The following ZNF407 variants were observed in gnomAD, a reference collection of about 807,000 sequenced individuals.
ZNF407 encodes the protein zinc finger protein 407.
A neutral mutation model predicts 131.2 loss-of-function variants in ZNF407; 17 were observed. That is an observed-to-expected ratio of 0.13 (90% CI 0.09 to 0.19). The LOEUF (loss-of-function observed/expected upper bound fraction) is 0.19, where lower values mean the gene tolerates loss of function less well. Among genes scored for constraint, ZNF407 ranks in the 10% least tolerant of loss-of-function variants. ZNF407 has a pLI of 1.00. For synonymous variants in ZNF407, 1,156 were observed against 1,062.0 expected, an observed-to-expected ratio of 1.09 and a Z score of -1.72; for missense variants, 2,681 against 2,830.6, an observed-to-expected ratio of 0.95 and a Z score of 1.20.
At chr18:74,674,687 C>T (rs1986285101) in intron 3 of ZNF407, among the ~76,000 whole-genome samples, 1 of 152,176 alleles carries the variant, frequency 6.6e-6, no homozygotes, top group Non-Finnish European at 1.5e-5. Flanking sequence ...TGTCTGCTTA[C>T]ACCAGGGATT....
chr18:74,628,839 A>G (rs1171332133), intron 1 of ZNF407, among the ~76,000 whole-genome samples: 1 of 152,104 alleles, frequency 6.6e-6, no homozygotes, highest in African/African-American at 2.4e-5. Flanking sequence ...CTTGTCCTTC[A>G]AAAGCATTGG....
intron 7 of ZNF407, among the ~76,000 whole-genome samples, chr18:74,902,343 G>A (rs866551018): frequency 1.3e-5 from 2 of 152,152 alleles, no homozygotes; most frequent in Non-Finnish European, 2.9e-5. Context: ...CTCGTGGTGC[G>A]AAACTACACA....
At chr18:74,849,324 C>T (rs923770389) in intron 4 of ZNF407, among the ~76,000 whole-genome samples, 1 of 152,106 alleles carries the variant, frequency 6.6e-6, no homozygotes. Flanking sequence ...GTGATCCGCC[C>T]GCCTGTGCCT....
Position 74,634,736 on chromosome 18 carries a change from C to T in ZNF407, c.3717C>T (p.Asp1239=), listed in dbSNP as rs201823505. The T allele has an allele frequency of 3.7e-4, 601 of 1,613,914 alleles. 2 individuals carry two copies. Among genetic ancestry groups the T allele is most frequent in the African/African-American group, 4.8e-4 (36 of 74,936 alleles). The change falls in exon 2 of 9, where the codon GAC becomes GAT. Residue 1239 remains aspartate (D), a synonymous_variant. Transcript: ENST00000299687. ...HCEGEGGNAG[D]GGGVVPHRHL... Reference sequence around the variant, plus strand: ...AGGGTGAAGGAGGAAACGCAGGAGACGGTGGAGGTGTTGTCCCCCACAGAC... The same window carrying T: ...AGGGTGAAGGAGGAAACGCAGGAGATGGTGGAGGTGTTGTCCCCCACAGAC...
At chr18:74,686,532 C>T (rs1185693702) in intron 3 of ZNF407, among the ~76,000 whole-genome samples, 1 of 152,180 alleles carries the variant, frequency 6.6e-6, no homozygotes, top group Non-Finnish European at 1.5e-5. Flanking sequence ...TCCAGTCTCT[C>T]TTCTCCATTG....
chr18:74,942,220 A>C (rs1007552675), intron 8 of ZNF407, among the ~76,000 whole-genome samples: 4 of 152,226 alleles, frequency 2.6e-5, no homozygotes, highest in African/African-American at 9.6e-5. Context: ...CAGCAGGGAA[A>C]GTGGCTTTTG....
rs573598412 is a variant in ZNF407, at chr18:74,846,307, C to A, written c.4878-30890C>A. On this transcript the variant is annotated intron_variant, in intron 4 of 8. Transcript: ENST00000299687. ...GTTGGAAAAGCATTGTATTAATAAA[C>A]CTTTTCTAACAATGTCTGAACTGGG... 3.9e-5 allele frequency among the ~76,000 whole-genome samples: 6 copies of A among 151,980 alleles called. No individual in the cohort carries two copies. The South Asian group carries it at 8.3e-4, about 21-fold the overall frequency.
chr18:74,732,658 T>A (rs1968320306), intron 3 of ZNF407, among the ~76,000 whole-genome samples: 1 of 152,198 alleles, frequency 6.6e-6, no homozygotes, highest in Non-Finnish European at 1.5e-5. Context: ...TTTGTAATTC[T>A]CATAGAATTT....
In ZNF407 at chr18:74,633,108, G is replaced by T. The variant is rs759606651; in HGVS notation, c.2089G>T (p.Val697Leu). The change falls in exon 2 of 9, where the codon GTG (valine) becomes TTG (leucine). Residue 697 changes from valine to leucine, a missense_variant. Physicochemically the swap from Val to Leu is conservative, Grantham distance 32 (BLOSUM62 1). This residue lies in a region of ZNF407 where 1,789 missense variants were observed against 1,748.7 expected (regional missense o/e 1.02). Coordinates refer to ENST00000299687, the MANE Select transcript of ZNF407 (RefSeq NM_017757.3). ...LKSRVSHGNE[V>L]RHSSKPQFQC... Reference sequence around the variant, plus strand: ...GTCCAGGGTAAGCCATGGTAATGAAGTGAGGCATTCCAGTAAGCCTCAGTT... The same window carrying T: ...GTCCAGGGTAAGCCATGGTAATGAATTGAGGCATTCCAGTAAGCCTCAGTT... 1.2e-6 allele frequency: 2 copies of T among 1,613,606 alleles called. No homozygotes were observed. The highest frequency in any genetic ancestry group is 1.7e-6 in the Non-Finnish European group (2 of 1,179,790).
intron 4 of ZNF407, among the ~76,000 whole-genome samples, chr18:74,806,187 T>G (rs1970106552): frequency 6.6e-6 from 1 of 152,244 alleles, no homozygotes. Flanking sequence ...GGGCCTGCTG[T>G]GACTGCAGGC....
chr18:74,754,318 T>C (rs1968878281), intron 3 of ZNF407, among the ~76,000 whole-genome samples: 2 of 152,232 alleles, frequency 1.3e-5, no homozygotes, highest in South Asian at 4.1e-4. Flanking sequence ...TCATTGAATT[T>C]TTGAAGGGTT....
chr18:74,982,400 C>A (rs1311971178), intron 8 of ZNF407, among the ~76,000 whole-genome samples: 1 of 152,152 alleles, frequency 6.6e-6, no homozygotes, highest in Admixed American at 6.5e-5. Flanking sequence ...TTACCTCCTT[C>A]AAAATAAGAA....
intron 8 of ZNF407, among the ~76,000 whole-genome samples, chr18:75,000,867 G>A (rs906683908): frequency 7.2e-5 from 11 of 152,134 alleles, no homozygotes; most frequent in African/African-American, 2.7e-4. Flanking sequence ...TCGAATGCTT[G>A]GAGAATGATT....
chr18:74,969,290 A>G (rs1314747722), intron 8 of ZNF407, among the ~76,000 whole-genome samples: 1 of 151,850 alleles, frequency 6.6e-6, no homozygotes, highest in African/African-American at 2.4e-5. Flanking sequence ...TTCCTCATTC[A>G]TGTTGAGATT....
At chr18:74,861,330 T>C (rs1970934409) in intron 4 of ZNF407, among the ~76,000 whole-genome samples, 2 of 152,200 alleles carry the variant, frequency 1.3e-5, no homozygotes, top group African/African-American at 2.4e-5. Flanking sequence ...TGTAAATCTG[T>C]CCATGCAAAA....
intron 3 of ZNF407, among the ~76,000 whole-genome samples, chr18:74,733,353 G>A (rs1436038076): frequency 6.6e-6 from 1 of 151,894 alleles, no homozygotes; most frequent in African/African-American, 2.4e-5. Context: ...ATGACCAGAA[G>A]CTCAATATTA....
In ZNF407 at chr18:74,632,674, C is replaced by A; in HGVS notation, c.1655C>A (p.Ala552Asp). The A allele has an allele frequency of 1.2e-6, 2 of 1,613,964 alleles. No individual in the cohort carries two copies. Among genetic ancestry groups the A allele is most frequent in the Admixed American group, 1.7e-5 (1 of 60,020 alleles). Residue 552 changes from alanine (A) to aspartate (D), a missense_variant, in exon 2 of 9, where the codon GCC becomes GAC. Coordinates refer to ENST00000299687, the MANE Select transcript of ZNF407 (RefSeq NM_017757.3). Reference sequence around the variant, plus strand: ...GAAATCCATGTGAAAAGGTGCCATGCCAGAGAGATGAAATTTTACTGCCGT... The same window carrying A: ...GAAATCCATGTGAAAAGGTGCCATGACAGAGAGATGAAATTTTACTGCCGT... Reference protein sequence around the residue: ...DLEIHVKRCHAREMKFYCRTC... With the variant: ...DLEIHVKRCHDREMKFYCRTC...
intron 3 of ZNF407, among the ~76,000 whole-genome samples, chr18:74,647,854 C>G (rs963387829): frequency 1.3e-5 from 2 of 152,108 alleles, no homozygotes; most frequent in Non-Finnish European, 1.5e-5. Flanking sequence ...GGAGGACGAG[C>G]TCTGCTGAGG....
intron 4 of ZNF407, among the ~76,000 whole-genome samples, chr18:74,858,492 A>G (rs1241049448): frequency 1.3e-5 from 2 of 152,182 alleles, no homozygotes; most frequent in African/African-American, 4.8e-5. Flanking sequence ...TGAATTTGGC[A>G]TTCCCTTCAT....
Sources: allele counts gnomAD v4.1 joint callset (sites outside exome capture counted in the v4.1 genomes callset), GRCh38; gene constraint gnomAD v4.1.1; regional missense constraint gnomAD v4.1.1; transcripts MANE v1.5; gene names NCBI Gene and HGNC (gene_info 2026-07-23, HGNC 2026-07-21).